ITGB2: variants seen among roughly 807,000 people sequenced by gnomAD.
ITGB2 encodes the protein integrin subunit beta 2, also known as integrin beta-2.
In ITGB2, 56 loss-of-function variants were observed where a neutral mutation model predicts 86.8. The ratio of observed to expected loss-of-function variants is 0.65; its 90% confidence interval spans 0.52 to 0.81. The LOEUF is 0.81. Ranked by LOEUF, ITGB2 falls within the 30% of genes least tolerant of loss-of-function variation. ITGB2 has a pLI of 0.00. For synonymous variants in ITGB2, 457 were observed against 450.4 expected, an observed-to-expected ratio of 1.01 and a Z score of -0.19; for missense variants, 948 against 1,061.2, an observed-to-expected ratio of 0.89 and a Z score of 1.48.
At chr21:44,900,249 A>T in intron 7 of ITGB2, 71 bp downstream of exon 7, 3 of 1,587,424 alleles carry the variant, frequency 1.9e-6, no homozygotes, top group Admixed American at 1.7e-5. Flanking sequence ...TCAGGTGGAG[A>T]CCCCACCCTT....
intron 10 of ITGB2, 86 bp downstream of exon 10, chr21:44,893,318 G>A (rs868028587): frequency 6.5e-7 from 1 of 1,545,402 alleles, no homozygotes; most frequent in Non-Finnish European, 8.9e-7. Flanking sequence ...ACCCCTCAGT[G>A]TGCTGGGATG....
At chr21:44,894,895 G>T in intron 9 of ITGB2, 76 bp downstream of exon 9, 1 of 1,024,310 alleles carries the variant, frequency 9.8e-7, no homozygotes, top group Non-Finnish European at 1.6e-6. Flanking sequence ...CTGCTGACCT[G>T]CAGCAGGAGC....
At chr21:44,910,196 G>C (rs1412323181) in intron 3 of ITGB2, 88 bp downstream of exon 3, 12 of 1,520,196 alleles carry the variant, frequency 7.9e-6, no homozygotes, top group Non-Finnish European at 1.1e-5. Flanking sequence ...TGGAGTTGTT[G>C]GTCCTCTGGG....
upstream of ITGB2, chr21:44,921,193 G>A (rs1465897412): frequency 1.3e-5 from 2 of 152,310 alleles, no homozygotes; most frequent in East Asian, 3.8e-4. Flanking sequence ...AGAACACAGA[G>A]GCCATGGGAG....
intron 8 of ITGB2, 62 bp downstream of exon 8, chr21:44,899,005 G>T: frequency 7.5e-7 from 1 of 1,340,636 alleles, no homozygotes; most frequent in Non-Finnish European, 1.1e-6. Flanking sequence ...GTGGCGCTGG[G>T]TCTGGCCTGT....
intron 3 of ITGB2, chr21:44,907,983 C>G: frequency 1.4e-6 from 1 of 704,584 alleles, no homozygotes; most frequent in Non-Finnish European, 2.7e-6. Flanking sequence ...CAGAAACAAA[C>G]AAATCTCACT....
intron 4 of ITGB2, 35 bp from the exon 5 acceptor site, chr21:44,903,570 T>C: frequency 6.2e-7 from 1 of 1,612,440 alleles, no homozygotes; most frequent in Non-Finnish European, 8.5e-7. Flanking sequence ...GAGCCACACC[T>C]CACATCTCAC....
In ITGB2 at chr21:44,902,516, T is replaced by A. The variant is rs2026881; in HGVS notation, c.500-783A>T. Among the ~76,000 whole-genome samples, 931 of 152,220 alleles carry A rather than the reference T, an allele frequency of 6.1e-3. 10 individuals are homozygous for A. Among genetic ancestry groups the A allele is most frequent in the African/African-American group, 0.021 (878 of 41,518 alleles). On this transcript the variant is annotated intron_variant, in intron 5 of 15. Transcript: ENST00000652462. ...GCATTTGTGTGTTTGAGCATGTGTG[T>A]GAGCATACATTCACGTGTGTGAGCA...
chr21:44,906,327 G>T (rs2146537496), intron 4 of ITGB2, among the ~76,000 whole-genome samples: 1 of 152,178 alleles, frequency 6.6e-6, no homozygotes, highest in South Asian at 2.1e-4. Flanking sequence ...GAGAATGTTG[G>T]CCAGGCTGGT....
In ITGB2 at chr21:44,894,891, A is replaced by G; in HGVS notation, c.1083+80T>C. ...TTCCTCCCAGACCACCCTCCTGCTG[A>G]CCTGCAGCAGGAGCTGACCTGCAGT... On this transcript the variant is annotated intron_variant, in intron 9 of 15. Transcript: ENST00000652462. 3.0e-6 allele frequency: 3 copies of G among 994,126 alleles called. No individual in the cohort carries two copies. The South Asian group carries it at 3.8e-5, about 13-fold the overall frequency. 61.6% of individuals were successfully genotyped at this position (994,126 alleles called of 1,614,324 possible).
chr21:44,910,633 G>T, intron 2 of ITGB2, 92 bp downstream of exon 2: 1 of 1,498,820 alleles, frequency 6.7e-7, no homozygotes, highest in Non-Finnish European at 9.2e-7. Context: ...AGCCTCCCGG[G>T]AACTTCTGTC....
intron 1 of ITGB2, among the ~76,000 whole-genome samples, chr21:44,919,274 C>T (rs2084262007): frequency 6.6e-6 from 1 of 152,214 alleles, no homozygotes; most frequent in Non-Finnish European, 1.5e-5. Context: ...CGCCGCCCTG[C>T]AGGGACGTAG....
rs2083939174 is a variant in ITGB2, at chr21:44,900,575, A to C, written c.742-100T>G. The C allele has an allele frequency of 2.7e-6, 4 of 1,466,150 alleles. No individual in the cohort carries two copies. The African/African-American group carries it at 5.6e-5, about 20-fold the overall frequency. 90.8% of individuals were successfully genotyped at this position (1,466,150 alleles called of 1,614,324 possible). A position where few individuals can be genotyped will look rare whatever the true frequency, so the allele number is the denominator to read the frequency against. ...ATGCAGAGCTGGTGGGGTGGCCCGGAGGCTGGTGTGGGTCCCCCTTTCCCC... is the reference window on the plus strand; with the variant it reads ...ATGCAGAGCTGGTGGGGTGGCCCGGCGGCTGGTGTGGGTCCCCCTTTCCCC... On this transcript the variant is annotated intron_variant, in intron 6 of 15. Transcript: ENST00000652462.
rs2083749841 is a variant in ITGB2 at position 44,889,325 on chromosome 21, G to A, written c.1828C>T (p.Pro610Ser). 1 of 1,612,886 alleles carries A rather than the reference G, an allele frequency of 6.2e-7. No homozygotes were observed. ...VCECHSGYQL[P>S]LCQECPGCPS... ...CAGCCGGGGCACTCCTGGCACAGAGGCAGCTGGTAGCCTGAATGGCACTCG... is the reference window on the plus strand; with the variant it reads ...CAGCCGGGGCACTCCTGGCACAGAGACAGCTGGTAGCCTGAATGGCACTCG... Residue 610 changes from proline (P) to serine (S), a missense_variant, in exon 13 of 16, where the codon CCT becomes TCT. Physicochemically the swap from Pro to Ser is moderately conservative, Grantham distance 74. Coordinates refer to ENST00000652462, the MANE Select transcript of ITGB2 (RefSeq NM_000211.5).
At chr21:44,924,379 G>A (rs188844786), upstream of ITGB2, among the ~76,000 whole-genome samples, 5 of 152,254 alleles carry the variant, frequency 3.3e-5, no homozygotes, top group African/African-American at 4.8e-5. Context: ...GCAGTGAGCC[G>A]AGATTGTGCC....
In ITGB2 at chr21:44,893,722, C is replaced by A. The variant is rs1196184105; in HGVS notation, c.1084-178G>T. 21 of 777,522 alleles carry A rather than the reference C, an allele frequency of 2.7e-5. 1 individual carries two copies. The highest frequency in any genetic ancestry group is 3.0e-5 in the Non-Finnish European group (14 of 463,808). The allele number at this position is 777,522 out of a possible 1,614,324, so 48.2% of individuals were successfully genotyped here. ...GAGGATGGCAGGGCTGCCAGGGCCACAGTCCTGCCCTCGAGACAGCCTGAC... is the reference window on the plus strand; with the variant it reads ...GAGGATGGCAGGGCTGCCAGGGCCAAAGTCCTGCCCTCGAGACAGCCTGAC... On this transcript the variant is annotated intron_variant, in intron 9 of 15. Coordinates refer to ENST00000652462, the MANE Select transcript of ITGB2 (RefSeq NM_000211.5).
intron 8 of ITGB2, among the ~76,000 whole-genome samples, chr21:44,897,507 T>C (rs2083887234): frequency 2.0e-5 from 3 of 152,196 alleles, no homozygotes; most frequent in African/African-American, 4.8e-5. Flanking sequence ...TCGGGCCCTT[T>C]AGGGCGGCTG....
intron 10 of ITGB2, chr21:44,892,768 A>C (rs556881223): frequency 2.6e-5 from 4 of 153,112 alleles, no homozygotes; most frequent in East Asian, 3.9e-4. Flanking sequence ...ACAAAAAGAA[A>C]CAACAAATGA....
At chr21:44,915,845 C>G (rs893919544) in intron 1 of ITGB2, among the ~76,000 whole-genome samples, 1 of 152,126 alleles carries the variant, frequency 6.6e-6, no homozygotes, top group Non-Finnish European at 1.5e-5. Context: ...CCTGCAAAAG[C>G]GTATTTTCCC....
Sources: allele counts gnomAD v4.1 joint callset (sites outside exome capture counted in the v4.1 genomes callset), GRCh38; gene constraint gnomAD v4.1.1; transcripts MANE v1.5; gene names NCBI Gene and HGNC (gene_info 2026-07-23, HGNC 2026-07-21).